Variants in STK32B observed in about 807,000 individuals in gnomAD.
STK32B encodes the protein serine/threonine-protein kinase 32B.
In STK32B, 43 loss-of-function variants were observed where a neutral mutation model predicts 52.6. The observed-to-expected ratio is 0.82, with a 90% CI of 0.64 to 1.05. The LOEUF is 1.05. Ranked by LOEUF, STK32B falls within the 50% of genes least tolerant of loss-of-function variation. The pLI, the probability that STK32B is intolerant of heterozygous loss-of-function variation, is 0.00. For synonymous variants in STK32B, 238 were observed against 204.3 expected, an observed-to-expected ratio of 1.17 and a Z score of -1.41; for missense variants, 621 against 534.6, an observed-to-expected ratio of 1.16 and a Z score of -1.59.
chr4:5,489,202 C>T (rs974730354), intron 11 of STK32B, among the ~76,000 whole-genome samples: 6 of 152,118 alleles, frequency 3.9e-5, no homozygotes, highest in Non-Finnish European at 7.4e-5. Flanking sequence ...GTCCAATTTA[C>T]GTTTATCTGC....
chr4:5,494,579 A>C (rs368705806), intron 11 of STK32B, among the ~76,000 whole-genome samples: 25 of 152,164 alleles, frequency 1.6e-4, no homozygotes, highest in Non-Finnish European at 2.2e-4. Flanking sequence ...ATTTACATTT[A>C]AGGTTAATAT....
At chr4:5,260,564 G>A (rs1483064669) in intron 3 of STK32B, among the ~76,000 whole-genome samples, 2 of 152,158 alleles carry the variant, frequency 1.3e-5, no homozygotes, top group Non-Finnish European at 2.9e-5. Context: ...GGGAATAGGA[G>A]TACACTAGGC....
chr4:5,352,037 G>A (rs1209753648), intron 4 of STK32B, among the ~76,000 whole-genome samples: 1 of 151,838 alleles, frequency 6.6e-6, no homozygotes, highest in Admixed American at 6.6e-5. Flanking sequence ...AGCTAACAAA[G>A]TTTTCCTTAA....
chr4:5,073,075 A>T (rs1019713397), intron 1 of STK32B, among the ~76,000 whole-genome samples: 2 of 152,062 alleles, frequency 1.3e-5, no homozygotes, highest in Non-Finnish European at 2.9e-5. Context: ...TTTAAATAGC[A>T]TATAGTTGGG....
chr4:5,336,757 A>G lies in STK32B; in HGVS notation c.434+5364A>G, dbSNP rs564730747. Among the ~76,000 whole-genome samples the G allele has an allele frequency of 3.9e-5, 6 of 152,352 alleles. No individual in the cohort carries two copies. The South Asian group carries it at 1.2e-3, about 32-fold the overall frequency. On this transcript the variant is annotated intron_variant, in intron 4 of 11. Transcript: ENST00000282908. The stretch of plus-strand genomic sequence containing the variant: ...GATTTCAACACAAGAAACAATAAAG[A>G]GAAAACATAGAGGAAGAAATCATCA...
At chr4:5,471,535 A>G (rs995923021) in intron 11 of STK32B, among the ~76,000 whole-genome samples, 2 of 152,124 alleles carry the variant, frequency 1.3e-5, no homozygotes, top group African/African-American at 4.8e-5. Context: ...TCTAGCCTCT[A>G]GAGCTATGGG....
chr4:5,362,083 G>A (rs575818049), intron 4 of STK32B, among the ~76,000 whole-genome samples: 1 of 152,220 alleles, frequency 6.6e-6, no homozygotes, highest in African/African-American at 2.4e-5. Flanking sequence ...TTACTTTAAT[G>A]TATGAGAGAC....
At chr4:5,389,192 C>T (rs1736441721) in intron 4 of STK32B, among the ~76,000 whole-genome samples, 1 of 152,190 alleles carries the variant, frequency 6.6e-6, no homozygotes, top group South Asian at 2.1e-4. Flanking sequence ...GGATCTCTAA[C>T]TGGTATATCC....
chr4:5,381,573 C>T (rs1267057822), intron 4 of STK32B, among the ~76,000 whole-genome samples: 1 of 152,204 alleles, frequency 6.6e-6, no homozygotes, highest in Non-Finnish European at 1.5e-5. Flanking sequence ...TAGGGGCTGG[C>T]CATCTTTGTC....
intron 11 of STK32B, among the ~76,000 whole-genome samples, chr4:5,468,766 A>C (rs1424340278): frequency 6.6e-6 from 1 of 152,108 alleles, no homozygotes; most frequent in Non-Finnish European, 1.5e-5. Context: ...CCAGCCAATG[A>C]TAATATCTAG....
chr4:5,322,809 A>G (rs1185591025), intron 3 of STK32B, among the ~76,000 whole-genome samples: 1 of 152,156 alleles, frequency 6.6e-6, no homozygotes, highest in African/African-American at 2.4e-5. Flanking sequence ...GAGGAGCTGA[A>G]CCAAGCTTTT....
chr4:5,336,013 C>T (rs959891075), intron 4 of STK32B, among the ~76,000 whole-genome samples: 5 of 151,012 alleles, frequency 3.3e-5, no homozygotes, highest in Non-Finnish European at 7.4e-5. Context: ...CTTCCTTACC[C>T]GAAAGGAAGA....
chr4:5,094,686 C>T (rs994188205), intron 1 of STK32B, among the ~76,000 whole-genome samples: 1 of 152,112 alleles, frequency 6.6e-6, no homozygotes. Context: ...ATACTTATAA[C>T]ATACAAAATA....
intron 3 of STK32B, among the ~76,000 whole-genome samples, chr4:5,201,698 G>A (rs1158654414): frequency 2.0e-5 from 3 of 152,192 alleles, no homozygotes; most frequent in African/African-American, 7.2e-5. Context: ...GTGGCAGAAG[G>A]TGAAGGGGGA....
chr4:5,446,754 C>T lies in STK32B; in HGVS notation c.644C>T (p.Ala215Val). 1 of 1,614,010 alleles carries T rather than the reference C, an allele frequency of 6.2e-7. No individual in the cohort carries two copies. The highest frequency in any genetic ancestry group is 8.5e-7 in the Non-Finnish European group (1 of 1,179,964). The change falls in exon 7 of 12, where the codon GCC (alanine) becomes GTC (valine). Residue 215 changes from alanine (A) to valine (V), a missense_variant. Transcript: ENST00000282908. Reference protein sequence around the residue: ...PVDWWSLGITAYELLRGWRPY... With the variant: ...PVDWWSLGITVYELLRGWRPY... ...GACTGGTGGTCCCTGGGCATCACAG[C>T]CTATGAGCTGCTGCGGGGCTGGGTA...
intron 6 of STK32B, among the ~76,000 whole-genome samples, chr4:5,445,592 G>T (rs1715326472): frequency 6.6e-6 from 1 of 152,100 alleles, no homozygotes; most frequent in African/African-American, 2.4e-5. Context: ...GACAAATGCA[G>T]CACCCTGAAG....
At chr4:5,285,139 A>AG in intron 3 of STK32B, among the ~76,000 whole-genome samples, 1 of 152,342 alleles carries the variant, frequency 6.6e-6, no homozygotes, top group East Asian at 1.9e-4. Context: ...GTAAGATTAC[A>AG]GTACATAATA....
chr4:5,101,809 C>T (rs767496962), intron 1 of STK32B, among the ~76,000 whole-genome samples: 23 of 152,284 alleles, frequency 1.5e-4, no homozygotes, highest in South Asian at 8.3e-4. Context: ...TTCAAGCAAA[C>T]GCATCCTGTC....
chr4:5,231,845 A>C (rs1577221199), intron 3 of STK32B, among the ~76,000 whole-genome samples: 3 of 152,212 alleles, frequency 2.0e-5, no homozygotes, highest in Admixed American at 1.3e-4. Flanking sequence ...GGATCAAGGG[A>C]CCACAGCGGG....
Sources: allele counts gnomAD v4.1 joint callset (sites outside exome capture counted in the v4.1 genomes callset), GRCh38; gene constraint gnomAD v4.1.1; transcripts MANE v1.5; gene names NCBI Gene and HGNC (gene_info 2026-07-23, HGNC 2026-07-21).